Variants in ATXN7L1 observed in about 807,000 individuals in gnomAD.
ATXN7L1 encodes the protein ataxin-7-like protein 1.
ATXN7L1 carries 15 observed loss-of-function variants against 70.8 expected under a neutral mutation model. The ratio of observed to expected loss-of-function variants is 0.21; its 90% CI spans 0.14 to 0.33. ATXN7L1 has a LOEUF of 0.33. Among genes scored for constraint, ATXN7L1 ranks in the 10% least tolerant of loss-of-function variants. The pLI is 1.00. For synonymous variants in ATXN7L1, 440 were observed against 445.1 expected, an observed-to-expected ratio of 0.99 and a Z score of 0.14; for missense variants, 975 against 1,097.1, an observed-to-expected ratio of 0.89 and a Z score of 1.57.
At chr7:105,677,804 G>T in intron 3 of ATXN7L1, 1 of 391,788 alleles carries the variant, frequency 2.6e-6, no homozygotes, top group Non-Finnish European at 3.5e-6. Context: ...AGGACCACAG[G>T]CTGATAAGAG....
chr7:105,734,629 C>T (rs1362495885), intron 3 of ATXN7L1, among the ~76,000 whole-genome samples: 1 of 151,304 alleles, frequency 6.6e-6, no homozygotes, highest in Non-Finnish European at 1.5e-5. Flanking sequence ...TAGCAACCTC[C>T]TTTCATGTTT....
chr7:105,670,176 G>A (rs958041692), intron 3 of ATXN7L1, among the ~76,000 whole-genome samples: 1 of 152,196 alleles, frequency 6.6e-6, no homozygotes, highest in African/African-American at 2.4e-5. Flanking sequence ...AGAAGGCAGG[G>A]TCTTATCTTT....
At chr7:105,692,556 C>T (rs866884204) in intron 3 of ATXN7L1, among the ~76,000 whole-genome samples, 1 of 151,656 alleles carries the variant, frequency 6.6e-6, no homozygotes, top group Non-Finnish European at 1.5e-5. Context: ...AAGCAATTCT[C>T]CTGCCACAGC....
intron 3 of ATXN7L1, among the ~76,000 whole-genome samples, chr7:105,708,074 G>A (rs1206341950): frequency 2.0e-5 from 3 of 152,184 alleles, no homozygotes; most frequent in Non-Finnish European, 2.9e-5. Context: ...GACTGGGCGC[G>A]AAGTGTTTTA....
intron 2 of ATXN7L1, among the ~76,000 whole-genome samples, chr7:105,862,488 T>G (rs1195365182): frequency 6.6e-6 from 1 of 152,168 alleles, no homozygotes; most frequent in African/African-American, 2.4e-5. Context: ...ACCCTCTTCT[T>G]GACAGTCTGG....
At chr7:105,733,625 TCCATCCAC>T (rs1563049007) in intron 3 of ATXN7L1, among the ~76,000 whole-genome samples, 12 of 110,814 alleles carry the variant, frequency 1.1e-4, no homozygotes, top group South Asian at 3.0e-4. Flanking sequence ...CATCCATCCA[TCCATCCAC>T]CCATCCATCC....
chr7:105,829,428 G>T (rs562982196), intron 2 of ATXN7L1, among the ~76,000 whole-genome samples: 2 of 152,198 alleles, frequency 1.3e-5, no homozygotes, highest in South Asian at 4.1e-4. Context: ...CTCCAGCCTG[G>T]GTAACAGAGT....
rs569425325 is a variant in ATXN7L1, at chr7:105,604,793, T to G, written c.*3059A>C. Among the ~76,000 whole-genome samples the G allele has an allele frequency of 9.8e-5, 15 of 152,312 alleles. No individual in the cohort carries two copies. The South Asian group carries it at 3.1e-3, about 32-fold the overall frequency. On this transcript the variant is annotated 3_prime_UTR_variant, in exon 12 of 12. Transcript: ENST00000419735. ...ATTCTTGTCTGTGCAACAACAGTTA[T>G]TTAATATACCCCATGACTGACCAGC...
chr7:105,728,145 C>T (rs1220262420), intron 3 of ATXN7L1, among the ~76,000 whole-genome samples: 1 of 152,022 alleles, frequency 6.6e-6, no homozygotes, highest in Non-Finnish European at 1.5e-5. Flanking sequence ...GGAATGAATG[C>T]AGACAGTGGC....
At chr7:105,717,035 T>C (rs1221781822) in intron 3 of ATXN7L1, among the ~76,000 whole-genome samples, 1 of 152,162 alleles carries the variant, frequency 6.6e-6, no homozygotes, top group African/African-American at 2.4e-5. Flanking sequence ...TACACAGATA[T>C]GTACATAATT....
At chr7:105,706,653 A>C (rs1412240382) in intron 3 of ATXN7L1, among the ~76,000 whole-genome samples, 1 of 152,256 alleles carries the variant, frequency 6.6e-6, no homozygotes, top group Non-Finnish European at 1.5e-5. Flanking sequence ...AGCCACCAGC[A>C]TCCCCTCTGG....
At chr7:105,851,359 G>A (rs961086824) in intron 2 of ATXN7L1, among the ~76,000 whole-genome samples, 8 of 152,174 alleles carry the variant, frequency 5.3e-5, no homozygotes, top group African/African-American at 1.7e-4. Flanking sequence ...CGAGTTCCTC[G>A]ACGATCAACT....
chr7:105,646,397 G>A (rs866307261), intron 4 of ATXN7L1, among the ~76,000 whole-genome samples: 2 of 152,070 alleles, frequency 1.3e-5, no homozygotes, highest in South Asian at 2.1e-4. Flanking sequence ...CAGGGTGAGA[G>A]GATTGCTTGA....
Position 105,695,684 on chromosome 7 carries a change from C to A in ATXN7L1, c.356-30396G>T, listed in dbSNP as rs147296376. ...TAGCACATGGTTTGGGGGATCGCTTCTCTAAAAGGTGTTTCAAAGTTAGGC... is the reference window on the plus strand; with the variant it reads ...TAGCACATGGTTTGGGGGATCGCTTATCTAAAAGGTGTTTCAAAGTTAGGC... On this transcript the variant is annotated intron_variant, in intron 3 of 11. Coordinates refer to ENST00000419735, the MANE Select transcript of ATXN7L1 (RefSeq NM_020725.2). Among the ~76,000 whole-genome samples the A allele has an allele frequency of 9.5e-3, 1,446 of 152,306 alleles. 17 individuals are homozygous for A. Among genetic ancestry groups the A allele is most frequent in the Middle Eastern group, 0.041 (12 of 294 alleles).
intron 3 of ATXN7L1, among the ~76,000 whole-genome samples, chr7:105,753,327 G>A (rs7794709): frequency 0.015 from 2,290 of 152,286 alleles, 55 homozygotes; most frequent in African/African-American, 0.05. Context: ...CCTACCTCCT[G>A]CACAGGATAA....
chr7:105,647,450 C>A (rs1799214141), intron 4 of ATXN7L1, among the ~76,000 whole-genome samples: 1 of 152,144 alleles, frequency 6.6e-6, no homozygotes, highest in South Asian at 2.1e-4. Flanking sequence ...GAGTTCAAGA[C>A]CAGCCTGACC....
At chr7:105,836,758 A>C (rs1812442522) in intron 2 of ATXN7L1, among the ~76,000 whole-genome samples, 1 of 152,176 alleles carries the variant, frequency 6.6e-6, no homozygotes, top group African/African-American at 2.4e-5. Context: ...AGGCTGGGTA[A>C]TTTATAAGAA....
chr7:105,769,725 G>T (rs990708311), intron 3 of ATXN7L1, among the ~76,000 whole-genome samples: 1 of 152,252 alleles, frequency 6.6e-6, no homozygotes, highest in East Asian at 1.9e-4. Context: ...CTGGTAGAAG[G>T]CATAAGTGTC....
chr7:105,875,720 C>G, intron 2 of ATXN7L1, 92 bp downstream of exon 2: 3 of 1,240,512 alleles, frequency 2.4e-6, no homozygotes, highest in Non-Finnish European at 3.4e-6. Context: ...CTTAGTCACT[C>G]TGTACCCAGC....
Sources: gnomAD v4.1 joint callset for allele counts (sites outside exome capture counted in the v4.1 genomes callset) on GRCh38, gnomAD v4.1.1 for gene constraint, MANE v1.5 for transcripts, NCBI Gene and HGNC (gene_info 2026-07-23, HGNC 2026-07-21) for gene names.